TSNARE1: variants seen among roughly 807,000 people sequenced by gnomAD.
The protein encoded by TSNARE1 is t-SNARE domain containing 1, also known as t-SNARE domain-containing protein 1.
In TSNARE1, 49 loss-of-function variants were observed where a neutral mutation model predicts 62.0. That is an observed-to-expected ratio of 0.79 (90% CI 0.63 to 1.00). TSNARE1 has a LOEUF of 1.00. TSNARE1 is among the 50% of genes least tolerant of loss of function. The pLI is 0.00. For synonymous variants in TSNARE1, 328 were observed against 294.4 expected (o/e 1.11, Z -1.17); for missense variants, 755 against 700.1 (o/e 1.08, Z -0.88).
Position 142,229,453 on chromosome 8 carries a change from C to G in TSNARE1, c.*11+20G>C, listed in dbSNP as rs180686731. The stretch of plus-strand genomic sequence containing the variant: ...GATGTGCAGATGAATGGATGGTGTA[C>G]GGGTAGGTGGGGTACTCACCACGGG... On this transcript the variant is annotated intron_variant, in intron 13 of 13. Transcript: ENST00000524325. 1.3e-6 allele frequency: 2 copies of G among 1,580,028 alleles called. No individual in the cohort carries two copies. The highest frequency in any genetic ancestry group is 3.3e-5 in the Admixed American group (2 of 59,924).
intron 3 of TSNARE1, among the ~76,000 whole-genome samples, chr8:142,345,184 G>A (rs1022640058): frequency 2.0e-4 from 31 of 152,366 alleles, no homozygotes; most frequent in African/African-American, 7.0e-4. Flanking sequence ...AACCGGACCA[G>A]CTTCCTGAAG....
At position 142,344,171 on chromosome 8, in the gene TSNARE1, G is replaced by A. The variant is rs536348188; in HGVS notation, c.540C>T (p.Asp180=). 65 of 1,613,394 alleles carry A rather than the reference G, an allele frequency of 4.0e-5. No homozygotes were observed. In the South Asian group the frequency reaches 5.2e-4, roughly 13 times the overall value. ...GCCACTTGTGCTTCAGGTCCACAAC[G>A]TCGCGGCGACAGTAGCCCAGCGCAT... ...AVNALGYCRR[D]VVDLKHKWRD... Residue 180 remains aspartate, a synonymous_variant, in exon 4 of 14, where the codon GAC becomes GAT. Coordinates refer to ENST00000524325, the MANE Select transcript of TSNARE1 (RefSeq NM_145003.5).
intron 6 of TSNARE1, among the ~76,000 whole-genome samples, chr8:142,323,685 C>T (rs930541441): frequency 5.3e-5 from 8 of 152,228 alleles, no homozygotes; most frequent in Admixed American, 2.6e-4. Flanking sequence ...CCCAAGGACA[C>T]GGGAGCTCAC....
At chr8:142,370,311 G>GT (rs1313110595) in intron 1 of TSNARE1, among the ~76,000 whole-genome samples, 2 of 152,220 alleles carry the variant, frequency 1.3e-5, no homozygotes, top group Non-Finnish European at 2.9e-5. Flanking sequence ...GCTCATGCCT[G>GT]TAATCCCAGC....
At chr8:142,344,894 G>A (rs1586931050) in intron 3 of TSNARE1, among the ~76,000 whole-genome samples, 2 of 152,210 alleles carry the variant, frequency 1.3e-5, no homozygotes, top group East Asian at 3.9e-4. Flanking sequence ...ATTTTGGAAG[G>A]CTCCTGCCTA....
At position 142,370,836 on chromosome 8, in the gene TSNARE1, GAAAACAA is replaced by G. The variant is rs1348261673; in HGVS notation, c.-39-16080_-39-16074del. On this transcript the variant is annotated intron_variant, in intron 1 of 13. Coordinates refer to ENST00000524325, the MANE Select transcript of TSNARE1 (RefSeq NM_145003.5). Reference sequence around the variant, plus strand: ...GTGACATCTTTAAAGTGCTGGGAGGGAAAACAAAAAACAAAAAAAAAAAAACCTGCAA... The same window carrying G: ...GTGACATCTTTAAAGTGCTGGGAGGGAAAACAAAAAAAAAAAAACCTGCAA... 1.9e-3 allele frequency among the ~76,000 whole-genome samples: 261 copies of G among 139,064 alleles called. 2 individuals are homozygous for G. Among genetic ancestry groups the G allele is most frequent in the African/African-American group, 6.8e-3 (250 of 36,822 alleles). The allele number at this position is 139,064 out of a possible 152,430, so 91.2% of individuals were successfully genotyped here.
intron 1 of TSNARE1, among the ~76,000 whole-genome samples, chr8:142,364,047 G>A (rs1228467063): frequency 6.6e-6 from 1 of 152,192 alleles, no homozygotes; most frequent in Non-Finnish European, 1.5e-5. Context: ...ACAAAACCTG[G>A]GGAGGGAAAA....
chr8:142,371,958 C>T (rs374511103), intron 1 of TSNARE1, among the ~76,000 whole-genome samples: 1 of 152,098 alleles, frequency 6.6e-6, no homozygotes, highest in Admixed American at 6.6e-5. Context: ...ACTCTAAAGC[C>T]GGAGAACACC....
In TSNARE1 at chr8:142,354,715, C is replaced by T. The variant is rs370339237; in HGVS notation, c.10G>A (p.Gly4Arg). MSY[G>R]SIARGGGLGS... ...AGGCCACCTCCACGGGCGATGGATC[C>T]GTATGACATCTTCTTACAGATGGCA... The change falls in exon 2 of 14, where the codon GGA becomes AGA. Residue 4 changes from glycine to arginine, a missense_variant. By Grantham distance (125) the Gly-to-Arg change is moderately radical (BLOSUM62 -2). Coordinates refer to ENST00000524325, the MANE Select transcript of TSNARE1 (RefSeq NM_145003.5). The T allele has an allele frequency of 3.5e-5, 57 of 1,613,328 alleles. No individual in the cohort carries two copies. The highest frequency in any genetic ancestry group is 4.7e-5 in the Non-Finnish European group (56 of 1,179,666).
chr8:142,259,816 T>C (rs1479826033), intron 12 of TSNARE1, among the ~76,000 whole-genome samples: 1 of 152,130 alleles, frequency 6.6e-6, no homozygotes, highest in Admixed American at 6.5e-5. Context: ...AGAATGCAAC[T>C]AAGGGGTTCT....
chr8:142,330,898 C>A lies in TSNARE1; in HGVS notation c.893+3G>T. 6.2e-7 allele frequency: 1 copy of A among 1,614,080 alleles called. No individual in the cohort carries two copies. On this transcript the variant is annotated splice_donor_region_variant and intron_variant, in intron 6 of 13. Transcript: ENST00000524325. ...AAAGAGATACCATGGCCCACACACT[C>A]ACAGGCTGTCCCGAAGCTCCTGCGT...
chr8:142,397,071 C>A (rs1459399070), intron 1 of TSNARE1, among the ~76,000 whole-genome samples: 7 of 140,152 alleles, frequency 5.0e-5, no homozygotes, highest in Non-Finnish European at 1.1e-4. Flanking sequence ...GAGGGTCTCA[C>A]AGGAGAGAGG....
chr8:142,275,632 C>T (rs1178777771), intron 11 of TSNARE1: 16 of 985,462 alleles, frequency 1.6e-5, no homozygotes, highest in Non-Finnish European at 1.9e-5. Flanking sequence ...CACGAGCAAA[C>T]ACGAGCACGG....
chr8:142,360,725 C>T (rs1313152494), intron 1 of TSNARE1, among the ~76,000 whole-genome samples: 1 of 152,168 alleles, frequency 6.6e-6, no homozygotes, highest in East Asian at 1.9e-4. Flanking sequence ...ACACCCACCT[C>T]AGGCGTGCCA....
intron 13 of TSNARE1, among the ~76,000 whole-genome samples, chr8:142,213,392 G>A (rs1051896925): frequency 4.7e-5 from 7 of 149,806 alleles, no homozygotes; most frequent in Admixed American, 1.3e-4. Flanking sequence ...TGGGCAGATG[G>A]CAAGGGGGCA....
intron 10 of TSNARE1, among the ~76,000 whole-genome samples, chr8:142,293,098 C>T (rs1462655104): frequency 6.6e-6 from 1 of 152,154 alleles, no homozygotes; most frequent in Non-Finnish European, 1.5e-5. Flanking sequence ...CTCAGGAGTC[C>T]CCAAGAAAAC....
chr8:142,293,541 A>T (rs1824171472), intron 10 of TSNARE1, among the ~76,000 whole-genome samples: 1 of 152,230 alleles, frequency 6.6e-6, no homozygotes, highest in African/African-American at 2.4e-5. Flanking sequence ...GCCCAGGGTC[A>T]CATGGCCCAG....
In TSNARE1 at chr8:142,221,973, CCACT is replaced by C. The variant is rs778474946; in HGVS notation, c.*11+7496_*11+7499del. On this transcript the variant is annotated intron_variant, in intron 13 of 13. Transcript: ENST00000524325. ...CTCATCCACTCACTCATCCACTCATCCACTCACTCACTCATTCACTCACTCACTG... is the reference window on the plus strand; with the variant it reads ...CTCATCCACTCACTCATCCACTCATCCACTCACTCATTCACTCACTCACTG... Among the ~76,000 whole-genome samples, 94 of 112,208 alleles carry C rather than the reference CCACT, an allele frequency of 8.4e-4. 5 individuals are homozygous for C. The East Asian group carries it at 0.022, about 27-fold the overall frequency. 73.6% of individuals were successfully genotyped at this position (112,208 alleles called of 152,430 possible).
chr8:142,299,239 G>A (rs1420383671), intron 10 of TSNARE1, among the ~76,000 whole-genome samples: 2 of 152,226 alleles, frequency 1.3e-5, no homozygotes, highest in African/African-American at 4.8e-5. Context: ...AAGGGAGAAG[G>A]GGCTGAGCCC....
Sources: allele counts gnomAD v4.1 joint callset (sites outside exome capture counted in the v4.1 genomes callset), GRCh38; gene constraint gnomAD v4.1.1; transcripts MANE v1.5; gene names NCBI Gene and HGNC (gene_info 2026-07-23, HGNC 2026-07-21).